SLC4A5: variants seen among roughly 807,000 people sequenced by gnomAD.
The protein encoded by SLC4A5 is solute carrier family 4 member 5, also known as electrogenic sodium bicarbonate cotransporter 4.
In SLC4A5, 96 loss-of-function variants were observed where a neutral mutation model predicts 120.4. The observed-to-expected ratio is 0.80, with a 90% CI of 0.68 to 0.94. The LOEUF (loss-of-function observed/expected upper bound fraction) is 0.94. Among genes scored for constraint, SLC4A5 ranks in the 40% least tolerant of loss-of-function variants. SLC4A5 has a pLI of 0.00. For synonymous variants in SLC4A5, 550 were observed against 571.1 expected (o/e 0.96, Z 0.53); for missense variants, 1,259 against 1,459.5 (o/e 0.86, Z 2.24).
In SLC4A5 at chr2:74,250,605, G is replaced by T; in HGVS notation, c.1479-88C>A. Reference sequence around the variant, plus strand: ...TTTACAAGAACTTGCAGAGTCTGGGGCGAGGAAAGGAACTTGACCAGGGTG... The same window carrying T: ...TTTACAAGAACTTGCAGAGTCTGGGTCGAGGAAAGGAACTTGACCAGGGTG... On this transcript the variant is annotated intron_variant, in intron 16 of 30. Coordinates refer to ENST00000394019, the Ensembl canonical transcript of SLC4A5. 4.6e-6 allele frequency: 7 copies of T among 1,508,218 alleles called. No homozygotes were observed. In the South Asian group the frequency reaches 7.4e-5, roughly 16 times the overall value. The allele number at this position is 1,508,218 out of a possible 1,614,324, so 93.4% of individuals were successfully genotyped here.
Position 74,334,267 on chromosome 2 carries a change from T to A in SLC4A5, c.-220-90A>T, listed in dbSNP as rs534059759. ...AGCCCAGGTGATGCTGTGGAGGAGT[T>A]CTCTTTCTTCACCACCCCTATCTAC... is the stretch of plus-strand genomic sequence containing the variant. On this transcript the variant is annotated intron_variant, in intron 3 of 30. Transcript: ENST00000394019. 2.6e-5 allele frequency: 4 copies of A among 152,264 alleles called. No individual in the cohort carries two copies. In the East Asian group the frequency reaches 7.7e-4, roughly 29 times the overall value. The allele number at this position is 152,264 out of a possible 1,614,324, so 9.4% of individuals were successfully genotyped here. A position where few individuals can be genotyped will look rare whatever the true frequency, so the allele number is the denominator to read the frequency against.
Position 74,262,698 on chromosome 2 carries a change from C to CA in SLC4A5, c.716-467dup, listed in dbSNP as rs1237319584. ...TGGGTGACAGAGTGAGACTCCGTCT[C>CA]AAAAAAAAAAAAAAGAACAAGATTA... On this transcript the variant is annotated intron_variant, in intron 10 of 30. Transcript: ENST00000394019. Among the ~76,000 whole-genome samples the CA allele has an allele frequency of 8.7e-3, 928 of 106,504 alleles. 6 individuals are homozygous for CA. The highest frequency in any genetic ancestry group is 0.024 in the African/African-American group (705 of 29,972). 69.9% of individuals were successfully genotyped at this position (106,504 alleles called of 152,430 possible).
intron 12 of SLC4A5, among the ~76,000 whole-genome samples, chr2:74,257,001 C>T (rs535424814): frequency 9.2e-5 from 14 of 152,266 alleles, no homozygotes; most frequent in East Asian, 1.9e-4. Flanking sequence ...GTCTTTCCCG[C>T]GGGCACAGGC....
intron 5 of SLC4A5, among the ~76,000 whole-genome samples, chr2:74,323,573 C>A (rs144263360): frequency 5.9e-4 from 89 of 152,044 alleles, no homozygotes; most frequent in Non-Finnish European, 1.2e-3. Context: ...TTGGAACGAG[C>A]CACTCAGGGA....
At chr2:74,304,937 C>G (rs1369106391) in intron 6 of SLC4A5, among the ~76,000 whole-genome samples, 1 of 152,188 alleles carries the variant, frequency 6.6e-6, no homozygotes, top group African/African-American at 2.4e-5. Context: ...TTCCCCCGTT[C>G]TTGCTTGTCC....
chr2:74,289,878 T>A (rs1228342160), intron 7 of SLC4A5, among the ~76,000 whole-genome samples: 1 of 152,118 alleles, frequency 6.6e-6, no homozygotes, highest in African/African-American at 2.4e-5. Flanking sequence ...GAAAATAAAA[T>A]ATAAAATAAA....
At position 74,310,606 on chromosome 2, in the gene SLC4A5, T is replaced by C. The variant is rs565842875; in HGVS notation, c.79+4339A>G. 1.3e-3 allele frequency among the ~76,000 whole-genome samples: 193 copies of C among 152,322 alleles called. 2 individuals are homozygous for C. Among genetic ancestry groups the C allele is most frequent in the African/African-American group, 4.5e-3 (186 of 41,582 alleles). ...CTATTGATATGATGAATTATCTTAA[T>C]TGACTTTTGAATACTAAACCAGCCT... On this transcript the variant is annotated intron_variant, in intron 6 of 30. Coordinates refer to ENST00000394019, the Ensembl canonical transcript of SLC4A5.
intron 3 of SLC4A5, among the ~76,000 whole-genome samples, chr2:74,334,908 C>T (rs1371054491): frequency 6.6e-6 from 1 of 152,130 alleles, no homozygotes; most frequent in African/African-American, 2.4e-5. Context: ...AAGAAGCTCA[C>T]ATGTGTATCC....
At chr2:74,247,943 C>T (rs1459709538) in intron 18 of SLC4A5, among the ~76,000 whole-genome samples, 2 of 152,170 alleles carry the variant, frequency 1.3e-5, no homozygotes, top group Non-Finnish European at 2.9e-5. Context: ...AGGGTTGGAG[C>T]AGCCCTTGGA....
chr2:74,303,888 C>A (rs1672552708), intron 7 of SLC4A5, among the ~76,000 whole-genome samples: 1 of 149,322 alleles, frequency 6.7e-6, no homozygotes, highest in Admixed American at 6.7e-5. Flanking sequence ...CTCGCTCTGT[C>A]GCCCAGGCTG....
exon 27 of SLC4A5, chr2:74,227,118 A>G: frequency 6.2e-7 from 1 of 1,612,214 alleles, no homozygotes; most frequent in Non-Finnish European, 8.5e-7. Flanking sequence ...AAGAGCTTGC[A>G]GCGTTCCCAG....
intron 7 of SLC4A5, among the ~76,000 whole-genome samples, chr2:74,296,307 G>A (rs918868253): frequency 2.0e-5 from 3 of 152,016 alleles, no homozygotes; most frequent in African/African-American, 7.3e-5. Context: ...CCAGGGTTGG[G>A]GGGAGCATAA....
chr2:74,312,785 T>C (rs552471373), intron 6 of SLC4A5, among the ~76,000 whole-genome samples: 142 of 152,016 alleles, frequency 9.3e-4, no homozygotes, highest in African/African-American at 3.2e-3. Context: ...ATATAAAAAA[T>C]AAACCAGCGT....
At chr2:74,290,501 G>A in intron 7 of SLC4A5, 3 of 985,038 alleles carry the variant, frequency 3.0e-6, no homozygotes, top group Non-Finnish European at 3.6e-6. Context: ...TATGTAGAGA[G>A]AATATAGGTG....
intron 7 of SLC4A5, chr2:74,290,661 A>T: frequency 4.1e-6 from 4 of 977,442 alleles, no homozygotes; most frequent in Non-Finnish European, 4.8e-6. Context: ...AGTGAGCAAG[A>T]GAGAGAGAGA....
chr2:74,277,045 A>G (rs180818353), intron 8 of SLC4A5, among the ~76,000 whole-genome samples: 186 of 152,164 alleles, frequency 1.2e-3, no homozygotes, highest in African/African-American at 4.4e-3. Flanking sequence ...GGGGACTATG[A>G]AGTCATCCCA....
intron 8 of SLC4A5, among the ~76,000 whole-genome samples, chr2:74,265,560 T>C (rs758736267): frequency 6.6e-6 from 1 of 152,240 alleles, no homozygotes; most frequent in Non-Finnish European, 1.5e-5. Flanking sequence ...CACAATTCCA[T>C]ACATTTTCTA....
chr2:74,230,389 C>G (rs1461531805), intron 25 of SLC4A5, among the ~76,000 whole-genome samples: 1 of 152,116 alleles, frequency 6.6e-6, no homozygotes, highest in Non-Finnish European at 1.5e-5. Flanking sequence ...TTGACTTAGT[C>G]TCTTAGCTGT....
Position 74,280,747 on chromosome 2 carries a change from C to T in SLC4A5, c.401+5026G>A, listed in dbSNP as rs539221831. On this transcript the variant is annotated intron_variant, in intron 8 of 30. Coordinates refer to ENST00000394019, the Ensembl canonical transcript of SLC4A5. ...TTGCCCAGGCTGGAGTGCAATGGCA[C>T]GATCTCGGCTCCCTGCAACCTCCGC... Among the ~76,000 whole-genome samples the T allele has an allele frequency of 1.5e-4, 23 of 151,844 alleles. No individual in the cohort carries two copies. In the East Asian group the frequency reaches 2.9e-3, roughly 19 times the overall value.
Sources: gnomAD v4.1 joint callset for allele counts (sites outside exome capture counted in the v4.1 genomes callset) on GRCh38, gnomAD v4.1.1 for gene constraint, MANE v1.5 for transcripts, NCBI Gene and HGNC (gene_info 2026-07-23, HGNC 2026-07-21) for gene names.